The following LCP2 variants were observed in gnomAD, a reference collection of about 807,000 sequenced individuals.
The protein encoded by LCP2 is 76 kDa tyrosine phosphoprotein.
Under a neutral mutation model 74.5 loss-of-function variants are expected in LCP2, and 29 were observed. The ratio of observed to expected loss-of-function variants is 0.39; its 90% confidence interval spans 0.29 to 0.53. The LOEUF is 0.53. Ranked by LOEUF, LCP2 falls within the 20% of genes least tolerant of loss-of-function variation. The probability of loss-of-function intolerance (pLI) is 0.72; values close to 1 mark genes in which losing one functional copy is unlikely to be tolerated. For missense variants in LCP2, 604 were observed against 634.6 expected (o/e 0.95, Z 0.52); for synonymous variants, 228 against 229.5 (o/e 0.99, Z 0.06).
chr5:170,290,485 TCTGGAAAAGTTACTACTTCC>T (rs1762270169), intron 2 of LCP2, among the ~76,000 whole-genome samples: 1 of 152,234 alleles, frequency 6.6e-6, no homozygotes, highest in South Asian at 2.1e-4. Flanking sequence ...GGATGGAGCT[TCTGGAAAAGTTACTACTTCC>T]CTGGAAAAAA....
Position 170,279,800 on chromosome 5 carries a change from T to C in LCP2, c.189-3940A>G, listed in dbSNP as rs1486372369. ...GGAGTGAAACAGGAGAGTGGGGGTATGCGGGGCCTTAGCTGGCCTCTGATG... is the reference window on the plus strand; with the variant it reads ...GGAGTGAAACAGGAGAGTGGGGGTACGCGGGGCCTTAGCTGGCCTCTGATG... On this transcript the variant is annotated intron_variant, in intron 3 of 20. Coordinates refer to ENST00000046794, the MANE Select transcript of LCP2 (RefSeq NM_005565.5). 2.0e-5 allele frequency among the ~76,000 whole-genome samples: 3 copies of C among 152,196 alleles called. No homozygotes were observed. The East Asian group carries it at 5.8e-4, about 29-fold the overall frequency.
intron 17 of LCP2, among the ~76,000 whole-genome samples, chr5:170,255,839 A>G (rs2113156201): frequency 6.6e-6 from 1 of 152,354 alleles, no homozygotes; most frequent in East Asian, 1.9e-4. Context: ...GGTGATCTAT[A>G]TGCACTTTCA....
At chr5:170,280,125 G>A (rs1457332534) in intron 3 of LCP2, among the ~76,000 whole-genome samples, 4 of 152,018 alleles carry the variant, frequency 2.6e-5, no homozygotes, top group Non-Finnish European at 4.4e-5. Context: ...GATGTAGAGC[G>A]CATTCTTGCC....
chr5:170,255,206 G>A (rs1581058019), intron 17 of LCP2, among the ~76,000 whole-genome samples: 2 of 152,202 alleles, frequency 1.3e-5, no homozygotes, highest in South Asian at 2.1e-4. Flanking sequence ...TGTGGTGAAC[G>A]TGGACACCAC....
At chr5:170,267,130 C>A in intron 8 of LCP2, 55 bp from the exon 9 acceptor site, 1 of 1,564,394 alleles carries the variant, frequency 6.4e-7, no homozygotes, top group Non-Finnish European at 8.8e-7. Context: ...CAAGAGCCGG[C>A]ACTCCCAAAA....
chr5:170,294,378 G>T (rs1187541004), intron 1 of LCP2, among the ~76,000 whole-genome samples: 1 of 152,114 alleles, frequency 6.6e-6, no homozygotes, highest in East Asian at 1.9e-4. Context: ...TTAAGATCTT[G>T]GTTATTTTCC....
intron 6 of LCP2, chr5:170,273,989 C>G: frequency 2.6e-6 from 1 of 381,538 alleles, no homozygotes; most frequent in East Asian, 5.3e-5. Flanking sequence ...CCTAGGGCCA[C>G]GTGCAGCCTA....
intron 20 of LCP2, 23 bp from the exon 21 acceptor site, chr5:170,248,842 A>T: frequency 6.2e-7 from 1 of 1,609,766 alleles, no homozygotes; most frequent in South Asian, 1.1e-5. Flanking sequence ...AGATAGGGAG[A>T]TGAGTCAACA....
chr5:170,258,041 C>T lies in LCP2; in HGVS notation c.1096G>A (p.Glu366Lys), dbSNP rs530658268. 6.2e-7 allele frequency: 1 copy of T among 1,613,926 alleles called. No individual in the cohort carries two copies. The highest frequency in any genetic ancestry group is 1.3e-5 in the African/African-American group (1 of 75,048). Residue 366 changes from glutamate (E) to lysine (K), a missense_variant, in exon 16 of 21, where the codon GAA (glutamate) becomes AAA (lysine). Physicochemically the swap from Glu to Lys is moderately conservative, Grantham distance 56 (BLOSUM62 1). Coordinates refer to ENST00000046794, the MANE Select transcript of LCP2 (RefSeq NM_005565.5). The part of the protein sequence containing the change: ...PSSHMPGAFS[E>K]SNSSFPQSAS... ...TTTCATGACAGAGCTACAAACCTTT[C>T]TGAGAATGCTCCAGGCATGTGAGAG...
rs1354341390 is a variant in LCP2 at position 170,246,745 on chromosome 5, A to T, written c.*1952T>A. ...CCCTGATTGACCCAGCTTTAGTAAG[A>T]TGTTTATCACTGAGCAGGGTTCTGA... On this transcript the variant is annotated 3_prime_UTR_variant, in exon 21 of 21. Coordinates refer to ENST00000046794, the MANE Select transcript of LCP2 (RefSeq NM_005565.5). 2 of 152,316 alleles carry T rather than the reference A, an allele frequency of 1.3e-5. No individual in the cohort carries two copies. Among genetic ancestry groups the T allele is most frequent in the Non-Finnish European group, 2.9e-5 (2 of 68,150 alleles). 9.4% of individuals were successfully genotyped at this position (152,316 alleles called of 1,614,324 possible). A position where few individuals can be genotyped will look rare whatever the true frequency, so the allele number is the denominator to read the frequency against.
chr5:170,248,451 T>C lies in LCP2; in HGVS notation c.*246A>G, dbSNP rs1761348693. On this transcript the variant is annotated 3_prime_UTR_variant, in exon 21 of 21. Coordinates refer to ENST00000046794, the MANE Select transcript of LCP2 (RefSeq NM_005565.5). ...TCTTTTAAAAAATGAATTATTACAG[T>C]GCACTACTAGACTTCAAGTGTGAAC... is the stretch of plus-strand genomic sequence containing the variant. 2.7e-6 allele frequency: 1 copy of C among 367,766 alleles called. No homozygotes were observed. Among genetic ancestry groups the C allele is most frequent in the Non-Finnish European group, 5.0e-6 (1 of 201,144 alleles). The allele number at this position is 367,766 out of a possible 1,614,324, so 22.8% of individuals were successfully genotyped here.
chr5:170,288,119 C>T (rs1419461839), intron 2 of LCP2, 103 bp from the exon 3 acceptor site: 2 of 1,217,470 alleles, frequency 1.6e-6, no homozygotes, highest in African/African-American at 1.5e-5. Flanking sequence ...GTGGTGGGGA[C>T]TGTGGCAAAC....
At chr5:170,251,218 A>C (rs1561965186) in intron 19 of LCP2, 2 of 225,574 alleles carry the variant, frequency 8.9e-6, no homozygotes, top group Non-Finnish European at 8.8e-6. Flanking sequence ...CAGGAGAAAT[A>C]AAATACTTTA....
chr5:170,284,347 A>G (rs1762149763), intron 3 of LCP2, among the ~76,000 whole-genome samples: 1 of 151,954 alleles, frequency 6.6e-6, no homozygotes, highest in African/African-American at 2.4e-5. Flanking sequence ...TTTTTGAAAG[A>G]TATTTTTGCC....
chr5:170,268,414 G>A lies in LCP2; in HGVS notation c.592C>T (p.Pro198Ser). Residue 198 changes from proline to serine, a missense_variant, in exon 8 of 21, where the codon CCG becomes TCG. Physicochemically the swap from Pro to Ser is moderately conservative, Grantham distance 74. Coordinates refer to ENST00000046794, the MANE Select transcript of LCP2 (RefSeq NM_005565.5). ...VPPQRPMAAL[P>S]PPPAGRNHSP... ...TGATTCCGGCCGGCTGGTGGGGGCGGGAGGGCGGCCATCGGTCTCTGGGGG... is the reference window on the plus strand; with the variant it reads ...TGATTCCGGCCGGCTGGTGGGGGCGAGAGGGCGGCCATCGGTCTCTGGGGG... 2.6e-6 allele frequency: 2 copies of A among 760,300 alleles called. No homozygotes were observed. The highest frequency in any genetic ancestry group is 3.4e-6 in the Non-Finnish European group (2 of 579,968). The allele number at this position is 760,300 out of a possible 1,614,324, so 47.1% of individuals were successfully genotyped here. A position where few individuals can be genotyped will look rare whatever the true frequency, so the allele number is the denominator to read the frequency against.
chr5:170,287,808 A>C (rs1023607900), intron 3 of LCP2, 162 bp downstream of exon 3: 6 of 677,974 alleles, frequency 8.8e-6, no homozygotes, highest in Non-Finnish European at 2.6e-6. Flanking sequence ...CCAGCTCTTC[A>C]TGTAACTTCT....
intron 6 of LCP2, among the ~76,000 whole-genome samples, chr5:170,271,342 A>G (rs968916647): frequency 1.3e-5 from 2 of 152,150 alleles, no homozygotes; most frequent in Non-Finnish European, 2.9e-5. Context: ...CCTGTGCTCA[A>G]AAAATGTCCT....
intron 3 of LCP2, among the ~76,000 whole-genome samples, chr5:170,287,531 C>G (rs1762203729): frequency 6.6e-6 from 1 of 152,198 alleles, no homozygotes. Context: ...CAGATATTTC[C>G]AAGCACTCAG....
intron 1 of LCP2, among the ~76,000 whole-genome samples, chr5:170,295,268 T>C (rs1762354187): frequency 6.6e-6 from 1 of 152,214 alleles, no homozygotes; most frequent in African/African-American, 2.4e-5. Context: ...GAGGTACCCA[T>C]GTCAGAGACA....
Sources: gnomAD v4.1 joint callset for allele counts (sites outside exome capture counted in the v4.1 genomes callset) on GRCh38, gnomAD v4.1.1 for gene constraint, MANE v1.5 for transcripts, NCBI Gene and HGNC (gene_info 2026-07-23, HGNC 2026-07-21) for gene names.